The following RAI1 variants were observed in gnomAD, a reference collection of about 807,000 sequenced individuals.
RAI1 encodes the protein retinoic acid-induced protein 1.
RAI1 carries 9 observed loss-of-function variants against 123.8 expected under a neutral mutation model. The ratio of observed to expected loss-of-function variants is 0.07; its 90% CI spans 0.04 to 0.13. The LOEUF is 0.13. RAI1 is among the 10% of genes least tolerant of loss of function. The probability of loss-of-function intolerance (pLI) is 1.00; values close to 1 mark genes in which losing one functional copy is unlikely to be tolerated. For missense variants in RAI1, 2,256 were observed against 2,545.8 expected (o/e 0.89, Z 2.45); for synonymous variants, 1,231 against 1,127.3 (o/e 1.09, Z -1.84).
chr17:17,705,578 G>A (rs1270199758), intron 1 of RAI1, among the ~76,000 whole-genome samples: 2 of 131,148 alleles, frequency 1.5e-5, no homozygotes, highest in Non-Finnish European at 3.5e-5. Context: ...AAACAAAAAC[G>A]AGCCAGGTGT....
intron 2 of RAI1, among the ~76,000 whole-genome samples, chr17:17,735,823 A>T (rs1916415992): frequency 6.6e-6 from 1 of 152,176 alleles, no homozygotes; most frequent in Non-Finnish European, 1.5e-5. Flanking sequence ...AGGGCTGTGT[A>T]TCTCCTGGCG....
At position 17,798,132 on chromosome 17, in the gene RAI1, C is replaced by T. The variant is rs781025387; in HGVS notation, c.5184C>T (p.Thr1728=). Reference sequence around the variant, plus strand: ...AGGAGAAGGTGCGGCCAGAAGGCACCTGTGAGGAGGCCTCGCTGCCGCTTG... The same window carrying T: ...AGGAGAAGGTGCGGCCAGAAGGCACTTGTGAGGAGGCCTCGCTGCCGCTTG... ...KLKEKVRPEG[T]CEEASLPLER... is the part of the protein sequence containing the mutation. The change falls in exon 3 of 6, where the codon ACC becomes ACT. Residue 1728 remains threonine (T), a synonymous_variant. Transcript: ENST00000353383. 3 of 1,613,668 alleles carry T rather than the reference C, an allele frequency of 1.9e-6. No homozygotes were observed. The highest frequency in any genetic ancestry group is 1.3e-5 in the African/African-American group (1 of 74,942).
intron 1 of RAI1, among the ~76,000 whole-genome samples, chr17:17,716,440 G>A (rs116325017): frequency 1.4e-3 from 217 of 152,356 alleles, no homozygotes; most frequent in African/African-American, 5.1e-3. Flanking sequence ...GTGTGTGTAT[G>A]TCTATATGAT....
At chr17:17,759,720 C>T (rs953594571) in intron 2 of RAI1, among the ~76,000 whole-genome samples, 1 of 152,230 alleles carries the variant, frequency 6.6e-6, no homozygotes, top group African/African-American at 2.4e-5. Flanking sequence ...TGCTTGTCTT[C>T]AAGGGCAGAG....
intron 2 of RAI1, among the ~76,000 whole-genome samples, chr17:17,755,596 C>T (rs1486784329): frequency 6.6e-5 from 10 of 152,144 alleles, no homozygotes; most frequent in Non-Finnish European, 1.2e-4. Context: ...TTAGTCCCTC[C>T]AAGGAGCATG....
At chr17:17,777,001 C>T (rs1341902628) in intron 2 of RAI1, 1 of 152,136 alleles carries the variant, frequency 6.6e-6, no homozygotes, top group African/African-American at 2.4e-5. Context: ...TTTTCACCAA[C>T]TTGAAGACTG....
At chr17:17,755,075 C>G (rs1262255905) in intron 2 of RAI1, among the ~76,000 whole-genome samples, 1 of 152,226 alleles carries the variant, frequency 6.6e-6, no homozygotes, top group Admixed American at 6.5e-5. Flanking sequence ...CCCCTGAAGG[C>G]TTTGCCTGAC....
At chr17:17,737,836 T>A (rs1916486241) in intron 2 of RAI1, among the ~76,000 whole-genome samples, 1 of 152,220 alleles carries the variant, frequency 6.6e-6, no homozygotes, top group Admixed American at 6.5e-5. Context: ...TATTGAGGCC[T>A]GTCACCACTT....
chr17:17,779,967 G>A (rs2031508780), intron 2 of RAI1, among the ~76,000 whole-genome samples: 1 of 151,706 alleles, frequency 6.6e-6, no homozygotes, highest in African/African-American at 2.4e-5. Context: ...AGTAGAGACG[G>A]GGTTTCACCG....
In RAI1 at chr17:17,800,170, GTCTCTCTCTGTCTCTCTCTCTCTCTC is replaced by G. The variant is rs2032404408; in HGVS notation, c.5565+1667_5565+1692del. On this transcript the variant is annotated intron_variant, in intron 3 of 5. Coordinates refer to ENST00000353383, the MANE Select transcript of RAI1 (RefSeq NM_030665.4). This position sits in a 1 kb window ranked among gnomAD's most constrained non-coding sequence, Gnocchi z 4.7. The stretch of plus-strand genomic sequence containing the variant: ...ATTTTTTGCCTCTCTCCTGCTTTCT[GTCTCTCTCTGTCTCTCTCTCTCTCTC>G]TCTCTCTCTCTCTCTCTCTCTCTCT... Among the ~76,000 whole-genome samples, 1 of 33,544 alleles carries G rather than the reference GTCTCTCTCTGTCTCTCTCTCTCTCTC, an allele frequency of 3.0e-5. No individual in the cohort carries two copies. The highest frequency in any genetic ancestry group is 6.1e-5 in the Non-Finnish European group (1 of 16,288). The allele number at this position is 33,544 out of a possible 152,430, so 22.0% of individuals were successfully genotyped here.
chr17:17,761,358 C>T (rs1427739339), intron 2 of RAI1, among the ~76,000 whole-genome samples: 4 of 151,822 alleles, frequency 2.6e-5, no homozygotes, highest in African/African-American at 7.3e-5. Context: ...CCTCTGGAAT[C>T]GTACCAATCC....
At chr17:17,708,511 C>A (rs1654175037) in intron 1 of RAI1, among the ~76,000 whole-genome samples, 1 of 152,112 alleles carries the variant, frequency 6.6e-6, no homozygotes, top group Non-Finnish European at 1.5e-5. Flanking sequence ...TAGGCTCAAG[C>A]AATCCTCCTA....
intron 2 of RAI1, among the ~76,000 whole-genome samples, chr17:17,729,265 TC>T (rs1916192625): frequency 6.6e-6 from 1 of 152,226 alleles, no homozygotes; most frequent in South Asian, 2.1e-4. Flanking sequence ...TGGTTATCTG[TC>T]TGCTGTAAGC....
chr17:17,772,911 G>C (rs186325408), intron 2 of RAI1, among the ~76,000 whole-genome samples: 1 of 152,138 alleles, frequency 6.6e-6, no homozygotes, highest in Non-Finnish European at 1.5e-5. Flanking sequence ...GGATGGGCAG[G>C]TGGGTATGTG....
At position 17,799,101 on chromosome 17, in the gene RAI1, C is replaced by T. The variant is rs546589702; in HGVS notation, c.5565+588C>T. Among the ~76,000 whole-genome samples, 3 of 152,310 alleles carry T rather than the reference C, an allele frequency of 2.0e-5. No individual in the cohort carries two copies. The highest frequency in any genetic ancestry group is 3.9e-4 in the East Asian group (2 of 5,182). On this transcript the variant is annotated intron_variant, in intron 3 of 5. Transcript: ENST00000353383. This position sits in a 1 kb window ranked among gnomAD's most constrained non-coding sequence, Gnocchi z 4.5. ...GCGGGGCAGATCCAGACCCTCTCAC[C>T]ATTGGCTCTGAGACCAGCTTTGGAA...
chr17:17,784,013 C>A (rs549983439), intron 2 of RAI1, among the ~76,000 whole-genome samples: 1 of 152,192 alleles, frequency 6.6e-6, no homozygotes, highest in African/African-American at 2.4e-5. Context: ...CTCTTCCAAT[C>A]CCCCTCCCTC....
chr17:17,794,087 G>C lies in RAI1; in HGVS notation c.1139G>C (p.Gly380Ala). 2.5e-6 allele frequency: 4 copies of C among 1,614,038 alleles called. No individual in the cohort carries two copies. Among genetic ancestry groups the C allele is most frequent in the Non-Finnish European group, 3.4e-6 (4 of 1,180,026 alleles). ...TACAGCCAGCAGCCGCTCAGCACCG[G>C]GGCCTTCCCCGCAGGGATCACTGAC... Reference protein sequence around the residue: ...FPYSQQPLSTGAFPAGITDHS... With the variant: ...FPYSQQPLSTAAFPAGITDHS... Residue 380 changes from glycine (G) to alanine (A), a missense_variant, in exon 3 of 6, where the codon GGG becomes GCG. This residue lies in a region of RAI1 where 357 missense variants were observed against 480.2 expected (regional missense o/e 0.74). Coordinates refer to ENST00000353383, the MANE Select transcript of RAI1 (RefSeq NM_030665.4).
chr17:17,711,936 CGCGGTGTCCG>C (rs1567840632), intron 1 of RAI1, among the ~76,000 whole-genome samples: 1 of 152,244 alleles, frequency 6.6e-6, no homozygotes, highest in African/African-American at 2.4e-5. Context: ...ATGGCTGTCA[CGCGGTGTCCG>C]GCCCTGATGA....
chr17:17,744,942 T>A (rs1232540589), intron 2 of RAI1, among the ~76,000 whole-genome samples: 1 of 152,176 alleles, frequency 6.6e-6, no homozygotes, highest in Non-Finnish European at 1.5e-5. Flanking sequence ...ATTAAATCTT[T>A]ACTGTGTACC....
Sources: allele counts gnomAD v4.1 joint callset (sites outside exome capture counted in the v4.1 genomes callset), GRCh38; gene constraint gnomAD v4.1.1; regional missense constraint gnomAD v4.1.1; non-coding constraint Gnocchi (gnomAD v3.1); transcripts MANE v1.5; gene names NCBI Gene and HGNC (gene_info 2026-07-23, HGNC 2026-07-21).